The following MICU1 variants were observed in gnomAD, a reference collection of about 807,000 sequenced individuals.
MICU1 encodes calcium uptake protein 1, mitochondrial.
Under a neutral mutation model 56.8 loss-of-function variants are expected in MICU1, and 45 were observed. The ratio of observed to expected loss-of-function variants is 0.79; its 90% confidence interval spans 0.62 to 1.02. The LOEUF is 1.02. Among genes scored for constraint, MICU1 ranks in the 50% least tolerant of loss-of-function variants. MICU1 has a pLI of 0.00. For missense variants in MICU1, 504 were observed against 587.1 expected (o/e 0.86, Z 1.46); for synonymous variants, 186 against 195.1 (o/e 0.95, Z 0.39).
In MICU1 at chr10:72,573,602, T is replaced by C. The variant is rs143829198; in HGVS notation, c.-1-6808A>G. On this transcript the variant is annotated intron_variant, in intron 1 of 11. Transcript: ENST00000361114. ...TTCATTTAAGTTTAAAGGAAGAATA[T>C]AAGGTAATATGCACATGCCAATTAA... Among the ~76,000 whole-genome samples the C allele has an allele frequency of 1.1e-3, 165 of 152,288 alleles. 1 individual carries two copies. Among genetic ancestry groups the C allele is most frequent in the African/African-American group, 3.8e-3 (156 of 41,576 alleles).
At chr10:72,512,683 T>TTTTTGTTTTGTTTTGTTTTGTTTTG (rs139345007) in intron 5 of MICU1, among the ~76,000 whole-genome samples, 1 of 147,948 alleles carries the variant, frequency 6.8e-6, no homozygotes, top group African/African-American at 2.5e-5. Flanking sequence ...ATGTTTTTGG[T>TTTTTGTTTTGTTTTGTTTTGTTTTG]TTTTGTTTTG....
chr10:72,424,196 T>C (rs1484776180), intron 8 of MICU1, among the ~76,000 whole-genome samples: 2 of 150,942 alleles, frequency 1.3e-5, no homozygotes, highest in Non-Finnish European at 2.9e-5. Flanking sequence ...TACTGCAACC[T>C]CTACCTCCCA....
At chr10:72,448,241 C>T (rs1381786132) in intron 8 of MICU1, among the ~76,000 whole-genome samples, 4 of 115,970 alleles carry the variant, frequency 3.4e-5, no homozygotes, top group Non-Finnish European at 6.9e-5. Flanking sequence ...GCTCTCTTGC[C>T]GAGGCTCACT....
chr10:72,395,092 C>T (rs766271677), intron 10 of MICU1, among the ~76,000 whole-genome samples: 19 of 152,104 alleles, frequency 1.2e-4, no homozygotes, highest in Middle Eastern at 3.4e-3. Flanking sequence ...GGCAGGAGAA[C>T]GGCATGAACC....
At chr10:72,555,307 A>G (rs1031308315) in intron 3 of MICU1, among the ~76,000 whole-genome samples, 1 of 152,230 alleles carries the variant, frequency 6.6e-6, no homozygotes, top group African/African-American at 2.4e-5. Flanking sequence ...AAACAAAACA[A>G]AAAAGCAGAC....
intron 1 of MICU1, among the ~76,000 whole-genome samples, chr10:72,595,447 CAA>C (rs1255926638): frequency 2.4e-5 from 1 of 41,178 alleles, no homozygotes; most frequent in Non-Finnish European, 5.1e-5. Flanking sequence ...GACTCTGTCT[CAA>C]AAAAAAAAAA....
At chr10:72,536,054 G>A (rs995513117) in intron 4 of MICU1, among the ~76,000 whole-genome samples, 9 of 152,108 alleles carry the variant, frequency 5.9e-5, no homozygotes, top group African/African-American at 2.2e-4. Flanking sequence ...CACAGGCTGG[G>A]AAGGATAGGG....
rs982888131 is a variant in MICU1 at position 72,367,367 on chromosome 10, T to C, written c.*828A>G. ...CTTTGGGGATGTTTATTGCAAATGG[T>C]TATAATTTAAGTGATATTTACAATT... On this transcript the variant is annotated 3_prime_UTR_variant, in exon 12 of 12. Transcript: ENST00000361114. 3.0e-4 allele frequency: 45 copies of C among 152,252 alleles called. No homozygotes were observed. Among genetic ancestry groups the C allele is most frequent in the African/African-American group, 1.0e-3 (43 of 41,414 alleles). The allele number at this position is 152,252 out of a possible 1,614,324, so 9.4% of individuals were successfully genotyped here. A position where few individuals can be genotyped will look rare whatever the true frequency, so the allele number is the denominator to read the frequency against.
chr10:72,599,478 T>G (rs2132543523), intron 1 of MICU1, among the ~76,000 whole-genome samples: 1 of 152,030 alleles, frequency 6.6e-6, no homozygotes, highest in South Asian at 2.1e-4. Flanking sequence ...ACCCAGCATA[T>G]CCATGCTCTA....
At chr10:72,559,453 CAT>C (rs1433474551) in intron 3 of MICU1, among the ~76,000 whole-genome samples, 2 of 151,174 alleles carry the variant, frequency 1.3e-5, no homozygotes, top group Non-Finnish European at 2.9e-5. Flanking sequence ...AATATAAAAA[CAT>C]ATTACTCTAT....
intron 5 of MICU1, among the ~76,000 whole-genome samples, chr10:72,514,637 A>G (rs1867590429): frequency 6.6e-6 from 1 of 152,164 alleles, no homozygotes; most frequent in South Asian, 2.1e-4. Flanking sequence ...CTGGAGCGAA[A>G]GGGGTAAAAA....
intron 6 of MICU1, among the ~76,000 whole-genome samples, chr10:72,479,870 G>A (rs1003724566): frequency 1.3e-5 from 2 of 152,108 alleles, no homozygotes; most frequent in African/African-American, 4.8e-5. Flanking sequence ...ATCTCTTCAG[G>A]TGGAAATGTT....
At chr10:72,478,201 A>C (rs1050863651) in intron 6 of MICU1, among the ~76,000 whole-genome samples, 1 of 152,186 alleles carries the variant, frequency 6.6e-6, no homozygotes, top group Non-Finnish European at 1.5e-5. Flanking sequence ...TCAGCTGCAT[A>C]CACAAATTAC....
intron 10 of MICU1, among the ~76,000 whole-genome samples, chr10:72,381,043 C>T (rs780011522): frequency 3.3e-5 from 5 of 152,178 alleles, no homozygotes; most frequent in African/African-American, 7.2e-5. Flanking sequence ...CAACAGCAAT[C>T]CAACGAAAAG....
Position 72,434,704 on chromosome 10 carries a change from A to G in MICU1, c.934-11333T>C, listed in dbSNP as rs141684626. Among the ~76,000 whole-genome samples the G allele has an allele frequency of 2.8e-3, 427 of 152,310 alleles. 3 individuals carry two copies. Among genetic ancestry groups the G allele is most frequent in the African/African-American group, 9.7e-3 (403 of 41,562 alleles). On this transcript the variant is annotated intron_variant, in intron 8 of 11. Coordinates refer to ENST00000361114, the MANE Select transcript of MICU1 (RefSeq NM_001195518.2). ...AAGAACCAAGGACTAATTGTAGTAGAAAAGCAAACTGCTATTTTCTCTCAC... is the reference window on the plus strand; with the variant it reads ...AAGAACCAAGGACTAATTGTAGTAGGAAAGCAAACTGCTATTTTCTCTCAC...
At chr10:72,542,652 C>T (rs1839802348) in intron 4 of MICU1, among the ~76,000 whole-genome samples, 1 of 152,346 alleles carries the variant, frequency 6.6e-6, no homozygotes, top group East Asian at 1.9e-4. Flanking sequence ...TTAGCTCTGC[C>T]ATCCACAGAT....
In MICU1 at chr10:72,606,370, C is replaced by T. The variant is rs562152934; in HGVS notation, c.-2+19640G>A. Among the ~76,000 whole-genome samples, 424 of 151,604 alleles carry T rather than the reference C, an allele frequency of 2.8e-3. 1 individual carries two copies. The highest frequency in any genetic ancestry group is 9.7e-3 in the African/African-American group (400 of 41,318). ...CTACTGAAAATACAAAAAAATTAGC[C>T]GGGCATGGTGGTGGACGTCTGTAAT... On this transcript the variant is annotated intron_variant, in intron 1 of 11. Coordinates refer to ENST00000361114, the MANE Select transcript of MICU1 (RefSeq NM_001195518.2).
intron 11 of MICU1, among the ~76,000 whole-genome samples, chr10:72,371,605 G>A (rs1466777900): frequency 6.6e-6 from 1 of 151,946 alleles, no homozygotes; most frequent in Non-Finnish European, 1.5e-5. Context: ...TTAGCCAGGC[G>A]TGGTGGTGGG....
At chr10:72,527,388 T>C (rs1002871877) in intron 5 of MICU1, among the ~76,000 whole-genome samples, 1 of 152,172 alleles carries the variant, frequency 6.6e-6, no homozygotes, top group African/African-American at 2.4e-5. Flanking sequence ...TTTTGTTTTT[T>C]TGAGACAGGG....
Sources: gnomAD v4.1 joint callset for allele counts (sites outside exome capture counted in the v4.1 genomes callset) on GRCh38, gnomAD v4.1.1 for gene constraint, MANE v1.5 for transcripts, NCBI Gene and HGNC (gene_info 2026-07-23, HGNC 2026-07-21) for gene names.